Variants in POU2F3 observed in about 807,000 individuals in gnomAD.
POU2F3 encodes POU domain, class 2, transcription factor 3.
In POU2F3, 23 loss-of-function variants were observed where a neutral mutation model predicts 59.2. The ratio of observed to expected loss-of-function variants is 0.39; its 90% confidence interval spans 0.28 to 0.55. The LOEUF (loss-of-function observed/expected upper bound fraction) is 0.55. POU2F3 is among the 20% of genes least tolerant of loss of function. POU2F3 has a pLI of 0.66. For missense variants in POU2F3, 473 were observed against 544.5 expected, an observed-to-expected ratio of 0.87 and a Z score of 1.31; for synonymous variants, 190 against 214.6, an observed-to-expected ratio of 0.89 and a Z score of 1.00.
upstream of POU2F3, among the ~76,000 whole-genome samples, chr11:120,237,506 CA>C (rs1490888464): frequency 6.6e-6 from 1 of 152,108 alleles, no homozygotes; most frequent in Non-Finnish European, 1.5e-5. Flanking sequence ...CTGCTGGAGA[CA>C]GAAGGCCCTT....
At chr11:120,261,687 G>T (rs1939610016) in intron 2 of POU2F3, among the ~76,000 whole-genome samples, 1 of 152,176 alleles carries the variant, frequency 6.6e-6, no homozygotes, top group African/African-American at 2.4e-5. Context: ...AGAGTTCTTT[G>T]GTCCTCCCTG....
rs139585451 is a variant in POU2F3 at position 120,298,273 on chromosome 11, C to G, written c.141C>G (p.Thr47=). Residue 47 remains threonine, a synonymous_variant, in exon 4 of 13, where the codon ACC becomes ACG. Transcript: ENST00000543440. ...CTTGCTTCCACTTGCAGATTAAAAC[C>G]GAAGATCTCAGTGACTCCCTGCAGC... ...NGLDFNRQIK[T]EDLSDSLQQT... The G allele has an allele frequency of 1.1e-4, 179 of 1,612,214 alleles. No homozygotes were observed. Among genetic ancestry groups the G allele is most frequent in the Non-Finnish European group, 1.3e-4 (156 of 1,179,344 alleles).
At chr11:120,236,685 A>AT (rs1393270181), upstream of POU2F3, 2 of 1,505,670 alleles carry the variant, frequency 1.3e-6, no homozygotes, top group East Asian at 2.4e-5. Flanking sequence ...TGGAGTCTCC[A>AT]AGAACTGCTA....
rs1371933762 is a variant in POU2F3, at chr11:120,319,135, C to T, written c.*743C>T. 2.6e-5 allele frequency: 4 copies of T among 152,648 alleles called. No homozygotes were observed. Among genetic ancestry groups the T allele is most frequent in the African/African-American group, 4.8e-5 (2 of 41,426 alleles). 9.5% of individuals were successfully genotyped at this position (152,648 alleles called of 1,614,324 possible). A position where few individuals can be genotyped will look rare whatever the true frequency, so the allele number is the denominator to read the frequency against. On this transcript the variant is annotated 3_prime_UTR_variant, in exon 13 of 13. Coordinates refer to ENST00000543440, the MANE Select transcript of POU2F3 (RefSeq NM_014352.4). ...TCAGGAGTGCTTGTTCTTTCCCTTCCTCCCTGTGTTTCTCTTTATCCTGTC... is the reference window on the plus strand; with the variant it reads ...TCAGGAGTGCTTGTTCTTTCCCTTCTTCCCTGTGTTTCTCTTTATCCTGTC...
rs755960007 is a variant in POU2F3 at position 120,307,561 on chromosome 11, A to G, written c.852A>G (p.Lys284=). ...LSEVFGRKRK[K]RTSIETNIRL... ...AAGTATTTGGTAGGAAGAGAAAGAA[A>G]CGGACCAGCATCGAGACCAACATCC... The change falls in exon 9 of 13, where the codon AAA becomes AAG. Residue 284 remains lysine (K), a synonymous_variant. Coordinates refer to ENST00000543440, the MANE Select transcript of POU2F3 (RefSeq NM_014352.4). 4.3e-6 allele frequency: 7 copies of G among 1,614,068 alleles called. No individual in the cohort carries two copies. In the Admixed American group the frequency reaches 1.2e-4, roughly 27 times the overall value.
intron 10 of POU2F3, 31 bp from the exon 11 acceptor site, chr11:120,315,330 T>G: frequency 6.3e-7 from 1 of 1,584,440 alleles, no homozygotes; most frequent in Non-Finnish European, 8.7e-7. Context: ...GGAGCAGAAA[T>G]GGACATTTAC....
intron 1 of POU2F3, among the ~76,000 whole-genome samples, chr11:120,243,855 G>A (rs2135121471): frequency 6.6e-6 from 1 of 152,266 alleles, no homozygotes; most frequent in Non-Finnish European, 1.5e-5. Context: ...ATCCCATAAT[G>A]GATACATCAA....
intron 3 of POU2F3, among the ~76,000 whole-genome samples, chr11:120,278,264 A>G (rs1244196505): frequency 3.3e-5 from 5 of 152,234 alleles, no homozygotes; most frequent in African/African-American, 7.2e-5. Context: ...TGTTTATTTG[A>G]TACTGTCTTC....
At chr11:120,248,609 G>T (rs1938965051) in intron 2 of POU2F3, among the ~76,000 whole-genome samples, 1 of 152,168 alleles carries the variant, frequency 6.6e-6, no homozygotes, top group Non-Finnish European at 1.5e-5. Context: ...TTCTGCACAG[G>T]TCCCTTTTCA....
chr11:120,307,406 A>G, intron 8 of POU2F3, 73 bp from the exon 9 acceptor site: 1 of 1,545,700 alleles, frequency 6.5e-7, no homozygotes, highest in South Asian at 1.2e-5. Flanking sequence ...GGGTTGTTGG[A>G]CCTCAGATCC....
At chr11:120,252,093 CT>C (rs1939128609) in intron 2 of POU2F3, among the ~76,000 whole-genome samples, 1 of 151,864 alleles carries the variant, frequency 6.6e-6, no homozygotes, top group South Asian at 2.1e-4. Flanking sequence ...CGCGCCTGGC[CT>C]TGGCTGCCTA....
upstream of POU2F3, chr11:120,240,096 G>C (rs1938596688): frequency 9.7e-6 from 11 of 1,137,162 alleles, no homozygotes; most frequent in Non-Finnish European, 1.2e-5. Flanking sequence ...CTGCCAGGGG[G>C]CGTGGCCGGC....
rs549277788 is a variant in POU2F3, at chr11:120,295,638, A to C, written c.133-2627A>C. Among the ~76,000 whole-genome samples the C allele has an allele frequency of 8.5e-5, 13 of 152,346 alleles. 1 individual carries two copies. The South Asian group carries it at 2.7e-3, about 32-fold the overall frequency. On this transcript the variant is annotated intron_variant, in intron 3 of 12. Coordinates refer to ENST00000543440, the MANE Select transcript of POU2F3 (RefSeq NM_014352.4). ...AACTTGCTAACACATGTTTTCCTGG[A>C]ATCTAAGGATATGGAAACTCTAATT... is the stretch of plus-strand genomic sequence containing the variant.
intron 3 of POU2F3, among the ~76,000 whole-genome samples, chr11:120,287,097 T>C (rs929294728): frequency 6.6e-6 from 1 of 152,222 alleles, no homozygotes; most frequent in Non-Finnish European, 1.5e-5. Context: ...TCAATGATAG[T>C]ATCTGTCTGA....
intron 8 of POU2F3, 123 bp downstream of exon 8, chr11:120,305,908 G>A (rs561729621): frequency 3.3e-6 from 4 of 1,220,474 alleles, no homozygotes; most frequent in African/African-American, 1.5e-5. Flanking sequence ...CCTGAGACTG[G>A]AGCCGATGGA....
At chr11:120,238,144 G>A (rs1206698407), upstream of POU2F3, among the ~76,000 whole-genome samples, 1 of 152,186 alleles carries the variant, frequency 6.6e-6, no homozygotes, top group Non-Finnish European at 1.5e-5. Flanking sequence ...GGAGGCTGAG[G>A]CAGGAGAATC....
chr11:120,263,519 C>T (rs544481092), intron 2 of POU2F3, among the ~76,000 whole-genome samples: 33 of 152,314 alleles, frequency 2.2e-4, no homozygotes, highest in African/African-American at 7.0e-4. Context: ...AGATTTGATC[C>T]GCATCTATCT....
At position 120,298,088 on chromosome 11, in the gene POU2F3, C is replaced by T. The variant is rs566110881; in HGVS notation, c.133-177C>T. On this transcript the variant is annotated intron_variant, in intron 3 of 12. Coordinates refer to ENST00000543440, the MANE Select transcript of POU2F3 (RefSeq NM_014352.4). ...CTCACACAGGCCTCTGCCCAGCTGC[C>T]CTGGCTGGAAGGGCACACACAGGCA... is the stretch of plus-strand genomic sequence containing the variant. Among the ~76,000 whole-genome samples, 107 of 152,220 alleles carry T rather than the reference C, an allele frequency of 7.0e-4. 1 individual carries two copies. The highest frequency in any genetic ancestry group is 2.5e-3 in the African/African-American group (104 of 41,528).
intron 2 of POU2F3, chr11:120,254,777 G>A (rs1939267977): frequency 6.6e-6 from 1 of 152,214 alleles, no homozygotes. Flanking sequence ...AAGTGGCTGG[G>A]TTTCATTCCT....
Sources: allele counts gnomAD v4.1 joint callset (sites outside exome capture counted in the v4.1 genomes callset), GRCh38; gene constraint gnomAD v4.1.1; transcripts MANE v1.5; gene names NCBI Gene and HGNC (gene_info 2026-07-23, HGNC 2026-07-21).